Variants in GALNT13 observed in about 807,000 individuals in gnomAD.
GALNT13 encodes the protein polypeptide N-acetylgalactosaminyltransferase 13.
A neutral mutation model predicts 64.2 loss-of-function variants in GALNT13; 28 were observed. The observed-to-expected ratio is 0.44, with a 90% CI of 0.32 to 0.60. GALNT13 has a LOEUF of 0.60. Ranked by LOEUF, GALNT13 falls within the 20% of genes least tolerant of loss-of-function variation. The pLI is 0.05. For synonymous variants in GALNT13, 214 were observed against 224.6 expected, an observed-to-expected ratio of 0.95 and a Z score of 0.42; for missense variants, 577 against 669.8, an observed-to-expected ratio of 0.86 and a Z score of 1.53.
chr2:153,686,902 G>C, the GALNT13 span, among the ~76,000 whole-genome samples: 2 of 152,162 alleles, frequency 1.3e-5, no homozygotes, highest in South Asian at 4.1e-4. Context: ...AGATAATTAT[G>C]TGATTTTTGT....
chr2:153,360,836 C>G, the GALNT13 span, among the ~76,000 whole-genome samples: 1 of 152,150 alleles, frequency 6.6e-6, no homozygotes, highest in South Asian at 2.1e-4. Flanking sequence ...GTGGGATTCC[C>G]CCCAGCATGG....
At chr2:153,226,224 G>A in the GALNT13 span, among the ~76,000 whole-genome samples, 2 of 151,510 alleles carry the variant, frequency 1.3e-5, no homozygotes, top group Non-Finnish European at 2.9e-5. Flanking sequence ...GAGCCACCAC[G>A]CCTGGCTCCA....
At chr2:153,356,512 G>T in the GALNT13 span, 1 of 152,158 alleles carries the variant, frequency 6.6e-6, no homozygotes, top group African/African-American at 2.4e-5. Context: ...TCAATGACTG[G>T]CCAATTTTTG....
the GALNT13 span, among the ~76,000 whole-genome samples, chr2:153,461,197 A>G: frequency 8.4e-3 from 1,280 of 152,184 alleles, 11 homozygotes; most frequent in African/African-American, 0.028. Flanking sequence ...AATTAGAGAG[A>G]AGAGGGGAAA....
At chr2:154,299,455 C>CTTTT (rs1188035624) in intron 8 of GALNT13, among the ~76,000 whole-genome samples, 1 of 131,538 alleles carries the variant, frequency 7.6e-6, no homozygotes, top group African/African-American at 2.7e-5. Context: ...CAATGAAATA[C>CTTTT]TTTTTTTTTT....
At chr2:153,265,203 C>G in the GALNT13 span, among the ~76,000 whole-genome samples, 3 of 152,120 alleles carry the variant, frequency 2.0e-5, no homozygotes, top group Non-Finnish European at 4.4e-5. Flanking sequence ...GGTCATATTT[C>G]CCCCATGTCC....
the GALNT13 span, among the ~76,000 whole-genome samples, chr2:153,414,397 T>A: frequency 0.42 from 62,354 of 148,046 alleles, 13,827 homozygotes; most frequent in African/African-American, 0.58. Context: ...AAAAAAAAAA[T>A]AAAATAAAAA....
the GALNT13 span, among the ~76,000 whole-genome samples, chr2:153,654,480 T>C: frequency 5.3e-5 from 8 of 152,058 alleles, no homozygotes; most frequent in African/African-American, 1.9e-4. Context: ...GTGGGTGAAG[T>C]ATTTATAGTA....
chr2:153,087,137 T>A, the GALNT13 span, among the ~76,000 whole-genome samples: 52 of 152,286 alleles, frequency 3.4e-4, no homozygotes, highest in Non-Finnish European at 6.0e-4. Context: ...TGGCTTTTAT[T>A]ACCTTGAGGT....
At chr2:154,082,422 A>G (rs1355713942) in intron 3 of GALNT13, among the ~76,000 whole-genome samples, 1 of 151,706 alleles carries the variant, frequency 6.6e-6, no homozygotes, top group Non-Finnish European at 1.5e-5. Context: ...GTTGCACATA[A>G]ACGTGCCTAA....
At chr2:154,201,235 G>C (rs531836928) in intron 4 of GALNT13, among the ~76,000 whole-genome samples, 2 of 152,088 alleles carry the variant, frequency 1.3e-5, no homozygotes, top group African/African-American at 4.8e-5. Context: ...AGTTAATAAA[G>C]ACAATAGAAA....
the GALNT13 span, among the ~76,000 whole-genome samples, chr2:153,148,481 T>C: frequency 6.8e-6 from 1 of 146,146 alleles, no homozygotes; most frequent in African/African-American, 2.7e-5. Flanking sequence ...ATTTTTTCTT[T>C]TTTTTTTTTT....
At chr2:153,665,395 T>C in the GALNT13 span, among the ~76,000 whole-genome samples, 1 of 152,270 alleles carries the variant, frequency 6.6e-6, no homozygotes, top group African/African-American at 2.4e-5. Flanking sequence ...TTATAAATAA[T>C]AGCAGAAACA....
chr2:153,898,300 G>A (rs1688013292), intron 1 of GALNT13, among the ~76,000 whole-genome samples: 1 of 152,114 alleles, frequency 6.6e-6, no homozygotes, highest in South Asian at 2.1e-4. Flanking sequence ...AACAGTTTCA[G>A]ATTTAGGTGG....
chr2:153,080,434 T>C, the GALNT13 span, among the ~76,000 whole-genome samples: 1 of 152,168 alleles, frequency 6.6e-6, no homozygotes, highest in East Asian at 1.9e-4. Flanking sequence ...CTTTGAGTTG[T>C]TTAATACCAT....
chr2:154,106,953 G>A (rs944596175), intron 3 of GALNT13, among the ~76,000 whole-genome samples: 1 of 152,142 alleles, frequency 6.6e-6, no homozygotes, highest in Non-Finnish European at 1.5e-5. Context: ...GTCATGAATA[G>A]ATTAATGTCT....
chr2:153,830,887 A>G, the GALNT13 span, among the ~76,000 whole-genome samples: 1 of 152,180 alleles, frequency 6.6e-6, no homozygotes, highest in Non-Finnish European at 1.5e-5. Flanking sequence ...TGCTGAATCC[A>G]GTAAATAATA....
intron 3 of GALNT13, among the ~76,000 whole-genome samples, chr2:153,949,994 T>G (rs937970530): frequency 2.0e-4 from 30 of 151,992 alleles, no homozygotes; most frequent in Non-Finnish European, 3.2e-4. Context: ...AATTTAAACT[T>G]TAGCAGAAAA....
At chr2:153,886,290 C>T (rs1363505351) in intron 1 of GALNT13, among the ~76,000 whole-genome samples, 2 of 151,328 alleles carry the variant, frequency 1.3e-5, no homozygotes, top group South Asian at 2.1e-4. Flanking sequence ...TATGCATGTG[C>T]CATGTTGGTG....
Sources: gnomAD v4.1 joint callset for allele counts (sites outside exome capture counted in the v4.1 genomes callset) on GRCh38, gnomAD v4.1.1 for gene constraint, MANE v1.5 for transcripts, NCBI Gene and HGNC (gene_info 2026-07-23, HGNC 2026-07-21) for gene names.